SH3BGRL2: variants seen among roughly 807,000 people sequenced by gnomAD.
SH3BGRL2 encodes SH3 domain-binding glutamic acid-rich-like protein 2.
SH3BGRL2 carries 21 observed loss-of-function variants against 14.8 expected under a neutral mutation model. That is an observed-to-expected ratio of 1.42 (90% confidence interval 1.01 to 2.05). The LOEUF is 2.05. Among genes scored for constraint, SH3BGRL2 ranks in the 30% most tolerant of loss-of-function variants. SH3BGRL2 has a pLI of 0.00. For missense variants in SH3BGRL2, 147 were observed against 130.8 expected (o/e 1.12, Z -0.61); for synonymous variants, 50 against 47.8 (o/e 1.05, Z -0.19).
intron 1 of SH3BGRL2, among the ~76,000 whole-genome samples, chr6:79,642,620 C>A (rs1006686831): frequency 6.6e-6 from 1 of 152,132 alleles, no homozygotes; most frequent in Non-Finnish European, 1.5e-5. Flanking sequence ...ACTTATGCCA[C>A]GTATTTGCCA....
At chr6:79,542,050 C>T in the SH3BGRL2 span, among the ~76,000 whole-genome samples, 6 of 152,090 alleles carry the variant, frequency 3.9e-5, no homozygotes, top group African/African-American at 1.2e-4. Flanking sequence ...TACAAACATA[C>T]CTGCCTCTAC....
chr6:79,683,048 C>T (rs772934085), intron 2 of SH3BGRL2, among the ~76,000 whole-genome samples: 13 of 152,010 alleles, frequency 8.6e-5, no homozygotes, highest in East Asian at 1.9e-4. Context: ...CAGGGCCTGT[C>T]GAGCGGGGGA....
At chr6:79,610,239 T>A in the SH3BGRL2 span, among the ~76,000 whole-genome samples, 1 of 152,240 alleles carries the variant, frequency 6.6e-6, no homozygotes, top group Non-Finnish European at 1.5e-5. Context: ...TAATTAGTCA[T>A]ATAACCTTGC....
At chr6:79,605,600 T>C in the SH3BGRL2 span, among the ~76,000 whole-genome samples, 2 of 152,230 alleles carry the variant, frequency 1.3e-5, no homozygotes, top group South Asian at 4.1e-4. Flanking sequence ...ATTCAATGAA[T>C]GCCTAATTTC....
At chr6:79,552,486 A>G in the SH3BGRL2 span, among the ~76,000 whole-genome samples, 3 of 152,088 alleles carry the variant, frequency 2.0e-5, no homozygotes, top group Non-Finnish European at 2.9e-5. Context: ...TATGATCTCT[A>G]TTTTAACATT....
chr6:79,625,215 TACAC>T, the SH3BGRL2 span, among the ~76,000 whole-genome samples: 44 of 143,558 alleles, frequency 3.1e-4, no homozygotes, highest in African/African-American at 1.0e-3. Context: ...TACATATATA[TACAC>T]ACACATATAT....
the SH3BGRL2 span, among the ~76,000 whole-genome samples, chr6:79,566,184 T>A: frequency 6.6e-6 from 1 of 152,170 alleles, no homozygotes; most frequent in Non-Finnish European, 1.5e-5. Flanking sequence ...GAATAGTTAT[T>A]TCCCAAGAGT....
the SH3BGRL2 span, among the ~76,000 whole-genome samples, chr6:79,599,462 C>T: frequency 6.6e-6 from 1 of 151,568 alleles, no homozygotes; most frequent in Non-Finnish European, 1.5e-5. Flanking sequence ...ACCTCCGCCT[C>T]CTGGGTCAAG....
Position 79,700,810 on chromosome 6 carries a change from T to C in SH3BGRL2, c.*1301T>C, listed in dbSNP as rs1414327533. ...CTATAACAGGGATGCTTAATTTTTT[T>C]TTTAACTTAGAGTTTTAAATTGCCA... is the stretch of plus-strand genomic sequence containing the variant. On this transcript the variant is annotated 3_prime_UTR_variant, in exon 4 of 4. Transcript: ENST00000369838. 2 of 152,202 alleles carry C rather than the reference T, an allele frequency of 1.3e-5. No individual in the cohort carries two copies. The highest frequency in any genetic ancestry group is 2.9e-5 in the Non-Finnish European group (2 of 68,036). 9.4% of individuals were successfully genotyped at this position (152,202 alleles called of 1,614,324 possible). A position where few individuals can be genotyped will look rare whatever the true frequency, so the allele number is the denominator to read the frequency against.
chr6:79,683,918 T>C (rs994522308), intron 2 of SH3BGRL2, among the ~76,000 whole-genome samples: 2 of 152,184 alleles, frequency 1.3e-5, no homozygotes, highest in African/African-American at 4.8e-5. Context: ...CCTGGTAGAA[T>C]GGAGTAGAAC....
At chr6:79,672,336 C>T (rs192804620) in intron 1 of SH3BGRL2, among the ~76,000 whole-genome samples, 161 of 152,332 alleles carry the variant, frequency 1.1e-3, no homozygotes, top group Non-Finnish European at 1.5e-3. Context: ...ATAAGCACTT[C>T]TGTTCGTTTC....
the SH3BGRL2 span, among the ~76,000 whole-genome samples, chr6:79,617,972 T>C: frequency 6.6e-6 from 1 of 152,248 alleles, no homozygotes; most frequent in African/African-American, 2.4e-5. Flanking sequence ...ATCGGTTCCA[T>C]AGTAACCTTA....
At chr6:79,693,170 G>A (rs965356642) in intron 2 of SH3BGRL2, among the ~76,000 whole-genome samples, 2 of 152,158 alleles carry the variant, frequency 1.3e-5, no homozygotes, top group Non-Finnish European at 2.9e-5. Flanking sequence ...TCTATTATTG[G>A]CGTATAGGAA....
At chr6:79,692,213 T>C (rs1770234164) in intron 2 of SH3BGRL2, among the ~76,000 whole-genome samples, 1 of 152,236 alleles carries the variant, frequency 6.6e-6, no homozygotes, top group Non-Finnish European at 1.5e-5. Context: ...GTTTGTTTTT[T>C]TCTTGTAAAT....
chr6:79,637,336 A>G (rs1768945133), intron 1 of SH3BGRL2, among the ~76,000 whole-genome samples: 1 of 152,208 alleles, frequency 6.6e-6, no homozygotes, highest in Non-Finnish European at 1.5e-5. Flanking sequence ...TGGATACTTT[A>G]AGCATTTCAA....
the SH3BGRL2 span, among the ~76,000 whole-genome samples, chr6:79,579,695 A>T: frequency 6.6e-6 from 1 of 152,238 alleles, no homozygotes; most frequent in South Asian, 2.1e-4. Flanking sequence ...CTGCAAAAAC[A>T]TGCCAAATTG....
At chr6:79,591,498 C>G in the SH3BGRL2 span, among the ~76,000 whole-genome samples, 2 of 152,178 alleles carry the variant, frequency 1.3e-5, no homozygotes, top group African/African-American at 2.4e-5. Flanking sequence ...ACCTCCGCCT[C>G]CTGGGTGCAA....
the SH3BGRL2 span, among the ~76,000 whole-genome samples, chr6:79,538,902 C>G: frequency 6.6e-4 from 100 of 152,332 alleles, no homozygotes; most frequent in Non-Finnish European, 9.6e-4. Flanking sequence ...AAAGTATCTA[C>G]CACAAGGTAC....
At chr6:79,600,748 GTC>G in the SH3BGRL2 span, among the ~76,000 whole-genome samples, 4 of 152,168 alleles carry the variant, frequency 2.6e-5, no homozygotes, top group Admixed American at 2.6e-4. Context: ...TATAGACACT[GTC>G]TATCTTCCTT....
Sources: gnomAD v4.1 joint callset for allele counts (sites outside exome capture counted in the v4.1 genomes callset) on GRCh38, gnomAD v4.1.1 for gene constraint, MANE v1.5 for transcripts, NCBI Gene and HGNC (gene_info 2026-07-23, HGNC 2026-07-21) for gene names.